KNL1: variants seen among roughly 807,000 people sequenced by gnomAD.
KNL1 encodes the protein kinetochore scaffold 1, also known as outer kinetochore KNL1 complex subunit KNL1.
A neutral mutation model predicts 201.3 loss-of-function variants in KNL1; 66 were observed. That is an observed-to-expected ratio of 0.33 (90% CI 0.27 to 0.40). The LOEUF is 0.40. Ranked by LOEUF, KNL1 falls within the 10% of genes least tolerant of loss-of-function variation. KNL1 has a pLI of 1.00. For synonymous variants in KNL1, 895 were observed against 899.2 expected, an observed-to-expected ratio of 1.00 and a Z score of 0.08; for missense variants, 2,815 against 2,690.5, an observed-to-expected ratio of 1.05 and a Z score of -1.02.
Position 40,621,741 on chromosome 15 carries a change from G to A in KNL1, c.1477G>A (p.Ala493Thr), listed in dbSNP as rs779153781. Residue 493 changes from alanine to threonine, a missense_variant, in exon 10 of 26, where the codon GCA (alanine) becomes ACA (threonine). By Grantham distance (58) the Ala-to-Thr change is moderately conservative (BLOSUM62 0). This residue lies in a region of KNL1 where 2,464 missense variants were observed against 2,291.7 expected (regional missense o/e 1.08). Coordinates refer to ENST00000399668, the MANE Select transcript of KNL1 (RefSeq NM_144508.5). ...NMDITKSHTV[A>T]IDNQIFKQDQ... is the part of the protein sequence containing the mutation. ...GGACATTACCAAGAGTCATACAGTT[G>A]CAATAGATAATCAAATTTTTAAACA... 2 of 1,613,608 alleles carry A rather than the reference G, an allele frequency of 1.2e-6. No individual in the cohort carries two copies. The highest frequency in any genetic ancestry group is 2.2e-5 in the South Asian group (2 of 91,066).
At chr15:40,597,889 C>T (rs1891665301) in intron 1 of KNL1, among the ~76,000 whole-genome samples, 1 of 151,992 alleles carries the variant, frequency 6.6e-6, no homozygotes, top group East Asian at 1.9e-4. Flanking sequence ...GAAAATATTT[C>T]CCCTGGGCGC....
intron 1 of KNL1, among the ~76,000 whole-genome samples, chr15:40,600,645 G>C (rs1419870214): frequency 6.6e-6 from 1 of 152,158 alleles, no homozygotes; most frequent in East Asian, 1.9e-4. Flanking sequence ...CAAGAACATT[G>C]ATCCTGTTTA....
At chr15:40,627,988 G>A (rs1892801754) in intron 10 of KNL1, 82 bp from the exon 11 acceptor site, 1 of 879,186 alleles carries the variant, frequency 1.1e-6, no homozygotes, top group Admixed American at 2.7e-5. Flanking sequence ...TTGTATGTTA[G>A]AAGTAGTATT....
chr15:40,599,280 T>A, intron 1 of KNL1, among the ~76,000 whole-genome samples: 1 of 140,044 alleles, frequency 7.1e-6, no homozygotes, highest in African/African-American at 2.7e-5. Context: ...GTCACTGCAC[T>A]CCAGCCTGGG....
At chr15:40,625,827 T>G (rs1239958986) in intron 10 of KNL1, 187 bp downstream of exon 10, 3 of 519,936 alleles carry the variant, frequency 5.8e-6, no homozygotes, top group Non-Finnish European at 1.0e-5. Context: ...CAGCTAGACT[T>G]CAAAGCAATT....
At chr15:40,597,341 A>G (rs965220331) in intron 1 of KNL1, among the ~76,000 whole-genome samples, 2 of 152,100 alleles carry the variant, frequency 1.3e-5, no homozygotes, top group Non-Finnish European at 2.9e-5. Flanking sequence ...TGCAATCTCT[A>G]CCTCCTGGGT....
chr15:40,609,972 G>C (rs1892101389), intron 5 of KNL1, among the ~76,000 whole-genome samples: 1 of 152,202 alleles, frequency 6.6e-6, no homozygotes, highest in South Asian at 2.1e-4. Flanking sequence ...CTGGGAGATT[G>C]AGGCTACAGT....
chr15:40,655,205 G>A (rs1893688642), intron 22 of KNL1, among the ~76,000 whole-genome samples: 1 of 152,140 alleles, frequency 6.6e-6, no homozygotes, highest in Admixed American at 6.5e-5. Flanking sequence ...GGCTGAGACA[G>A]GAGAATCACT....
At chr15:40,627,373 G>A (rs1242405173) in intron 10 of KNL1, among the ~76,000 whole-genome samples, 3 of 152,076 alleles carry the variant, frequency 2.0e-5, no homozygotes, top group Non-Finnish European at 2.9e-5. Flanking sequence ...AATTAGCCAG[G>A]CATGGTGGCG....
At chr15:40,655,336 G>A (rs1893691692) in intron 22 of KNL1, among the ~76,000 whole-genome samples, 1 of 150,556 alleles carries the variant, frequency 6.6e-6, no homozygotes, top group South Asian at 2.1e-4. Context: ...GCTCATGCTT[G>A]TAATCCCAGC....
At chr15:40,635,131 C>T (rs1455698982) in intron 13 of KNL1, among the ~76,000 whole-genome samples, 1 of 151,500 alleles carries the variant, frequency 6.6e-6, no homozygotes, top group Non-Finnish European at 1.5e-5. Context: ...TCACTGCAAC[C>T]TCCACCTCCT....
At position 40,625,000 on chromosome 15, in the gene KNL1, T is replaced by C. The variant is rs769434829; in HGVS notation, c.4736T>C (p.Leu1579Pro). 4 of 1,614,056 alleles carry C rather than the reference T, an allele frequency of 2.5e-6. No individual in the cohort carries two copies. The highest frequency in any genetic ancestry group is 1.6e-4 in the Middle Eastern group (1 of 6,062). The change falls in exon 10 of 26, where the codon CTA (leucine) becomes CCA (proline). Residue 1579 changes from leucine to proline, a missense_variant. Around this residue, in one of 3 missense-constraint regions of KNL1, gnomAD observed 2,464 missense variants for 2,291.7 expected, o/e 1.08. Transcript: ENST00000399668. Reference protein sequence around the residue: ...GEFLAFQTVHLPPLPEQLLEL... With the variant: ...GEFLAFQTVHPPPLPEQLLEL... ...TTTTTAGCCTTTCAAACTGTTCATC[T>C]ACCACCCCTTCCAGAGCAATTACTT...
intron 13 of KNL1, among the ~76,000 whole-genome samples, chr15:40,634,286 T>A (rs1892995214): frequency 6.6e-6 from 1 of 152,110 alleles, no homozygotes; most frequent in South Asian, 2.1e-4. Flanking sequence ...TTTGTATTCT[T>A]AGTAAAGACA....
At position 40,594,381 on chromosome 15, in the gene KNL1, T is replaced by G. The variant is rs150050297; in HGVS notation, c.-29T>G. 1.7e-3 allele frequency: 263 copies of G among 152,386 alleles called. No individual in the cohort carries two copies. The highest frequency in any genetic ancestry group is 6.1e-3 in the African/African-American group (253 of 41,578). 9.4% of individuals were successfully genotyped at this position (152,386 alleles called of 1,614,324 possible). A position where few individuals can be genotyped will look rare whatever the true frequency, so the allele number is the denominator to read the frequency against. On this transcript the variant is annotated 5_prime_UTR_variant, in exon 1 of 26. Coordinates refer to ENST00000399668, the MANE Select transcript of KNL1 (RefSeq NM_144508.5). ...TCTGCGCAAAATTTGTCGAGGAGGT[T>G]TGCCGCGGCAGGTAAAGAGAATGAC...
chr15:40,616,378 C>G (rs181589224), intron 8 of KNL1, among the ~76,000 whole-genome samples: 2 of 148,868 alleles, frequency 1.3e-5, no homozygotes, highest in Admixed American at 1.3e-4. Flanking sequence ...CCACCCGCCT[C>G]GGCCTCCCAA....
chr15:40,602,019 T>G (rs952233894), intron 1 of KNL1, among the ~76,000 whole-genome samples: 16 of 148,456 alleles, frequency 1.1e-4, no homozygotes, highest in East Asian at 2.0e-4. Flanking sequence ...TTTTTGTGGG[T>G]TTTTTTGTTT....
chr15:40,596,983 AGAGT>A (rs1359725456), intron 1 of KNL1, among the ~76,000 whole-genome samples: 1 of 143,878 alleles, frequency 7.0e-6, no homozygotes, highest in Admixed American at 7.0e-5. Context: ...CTGGGCAACA[AGAGT>A]GAAACTCCAT....
intron 17 of KNL1, among the ~76,000 whole-genome samples, chr15:40,647,493 TAAATA>T (rs1294789496): frequency 6.6e-6 from 1 of 151,676 alleles, no homozygotes; most frequent in Non-Finnish European, 1.5e-5. Context: ...AATAATAAAA[TAAATA>T]AATAAATAAA....
intron 25 of KNL1, among the ~76,000 whole-genome samples, chr15:40,660,569 G>A (rs1229875965): frequency 6.6e-6 from 1 of 151,488 alleles, no homozygotes; most frequent in Non-Finnish European, 1.5e-5. Flanking sequence ...GGGAGGCTGA[G>A]GCAGAGAATT....
Sources: gnomAD v4.1 joint callset for allele counts (sites outside exome capture counted in the v4.1 genomes callset) on GRCh38, gnomAD v4.1.1 for gene constraint, gnomAD v4.1.1 regional missense constraint, MANE v1.5 for transcripts, NCBI Gene and HGNC (gene_info 2026-07-23, HGNC 2026-07-21) for gene names.